Variants in PUS10 observed in about 807,000 individuals in gnomAD.
The protein encoded by PUS10 is pseudouridine synthase 10.
Under a neutral mutation model 75.0 loss-of-function variants are expected in PUS10, and 59 were observed. The ratio of observed to expected loss-of-function variants is 0.79; its 90% CI spans 0.64 to 0.98. The LOEUF is 0.98. Ranked by LOEUF, PUS10 falls within the 50% of genes least tolerant of loss-of-function variation. PUS10 has a pLI of 0.00. For synonymous variants in PUS10, 219 were observed against 211.6 expected, an observed-to-expected ratio of 1.03 and a Z score of -0.30; for missense variants, 650 against 614.4, an observed-to-expected ratio of 1.06 and a Z score of -0.61.
chr2:61,004,178 T>C (rs976854129), intron 4 of PUS10, among the ~76,000 whole-genome samples: 1 of 152,168 alleles, frequency 6.6e-6, no homozygotes, highest in African/African-American at 2.4e-5. Flanking sequence ...AGAATTTAAT[T>C]TATATTCAAA....
intron 1 of PUS10, chr2:61,017,723 C>G (rs998143845): frequency 1.2e-5 from 19 of 1,523,724 alleles, no homozygotes; most frequent in African/African-American, 4.1e-5. Context: ...CCTGGACAGT[C>G]AGGGGTAGGA....
intron 4 of PUS10, among the ~76,000 whole-genome samples, chr2:60,978,505 A>T (rs1471612439): frequency 6.6e-6 from 1 of 151,966 alleles, no homozygotes; most frequent in Non-Finnish European, 1.5e-5. Flanking sequence ...AAAGGTGCAA[A>T]TGCCAGAGAG....
chr2:60,961,410 TAGAAAGGAG>T, intron 10 of PUS10, 44 bp downstream of exon 10: 1 of 1,349,116 alleles, frequency 7.4e-7, no homozygotes. Context: ...GCTGAGTTTT[TAGAAAGGAG>T]AGTACGTTCA....
intron 8 of PUS10, among the ~76,000 whole-genome samples, chr2:60,964,429 A>G (rs1235001575): frequency 6.6e-6 from 1 of 152,258 alleles, no homozygotes; most frequent in Non-Finnish European, 1.5e-5. Flanking sequence ...AAACTGATGC[A>G]TGAAAGATGA....
intron 4 of PUS10, among the ~76,000 whole-genome samples, chr2:60,975,830 C>T (rs1250150993): frequency 2.6e-5 from 4 of 152,008 alleles, no homozygotes; most frequent in East Asian, 1.9e-4. Context: ...AGCACGATCT[C>T]GGCTCACTGC....
chr2:61,005,667 C>T (rs1307018470), intron 4 of PUS10, among the ~76,000 whole-genome samples: 1 of 152,150 alleles, frequency 6.6e-6, no homozygotes, highest in African/African-American at 2.4e-5. Flanking sequence ...TTTATAAGCC[C>T]AGTTATATCA....
chr2:60,994,427 A>T (rs1678318528), intron 4 of PUS10, among the ~76,000 whole-genome samples: 1 of 152,038 alleles, frequency 6.6e-6, no homozygotes, highest in East Asian at 1.9e-4. Context: ...CACAAAAATG[A>T]CTTGAAATTC....
chr2:61,008,808 A>C lies in PUS10; in HGVS notation c.334T>G (p.Cys112Gly). 1 of 1,603,792 alleles carries C rather than the reference A, an allele frequency of 6.2e-7. No individual in the cohort carries two copies. ...CAGAATTCTTGAAGAATTCCTAGGCATACATTACATACATTTAAATTTGAG... is the reference window on the plus strand; with the variant it reads ...CAGAATTCTTGAAGAATTCCTAGGCCTACATTACATACATTTAAATTTGAG... ...KNSNLNVCNVCLGILQEFCEK... is the reference protein window; with the variant it reads ...KNSNLNVCNVGLGILQEFCEK... Residue 112 changes from cysteine (C) to glycine (G), a missense_variant, in exon 3 of 18, where the codon TGC becomes GGC. Coordinates refer to ENST00000316752, the MANE Select transcript of PUS10 (RefSeq NM_144709.4).
chr2:60,965,009 A>T, intron 8 of PUS10, 49 bp downstream of exon 8: 1 of 1,532,852 alleles, frequency 6.5e-7, no homozygotes, highest in Non-Finnish European at 9.0e-7. Flanking sequence ...TTGAATATTC[A>T]GCTCAGACAA....
At position 60,962,843 on chromosome 2, in the gene PUS10, C is replaced by T. The variant is rs1285923902; in HGVS notation, c.771G>A (p.Lys257=). 6.3e-7 allele frequency: 1 copy of T among 1,578,094 alleles called. No individual in the cohort carries two copies. Among genetic ancestry groups the T allele is most frequent in the East Asian group, 2.4e-5 (1 of 42,332 alleles). ...MAVMKALNKI[K]EEDFLKQFPC... is the part of the protein sequence containing the mutation. ...CTACTTACTTAAGGAAATCCTCTTC[C>T]TTTATCTTATTCAAGGCTTTCATAA... is the stretch of plus-strand genomic sequence containing the variant. The change falls in exon 9 of 18, where the codon AAG becomes AAA. Residue 257 remains lysine (K), a synonymous_variant. Coordinates refer to ENST00000316752, the MANE Select transcript of PUS10 (RefSeq NM_144709.4).
At chr2:61,000,120 G>A (rs557113258) in intron 4 of PUS10, among the ~76,000 whole-genome samples, 151 of 152,174 alleles carry the variant, frequency 9.9e-4, no homozygotes, top group African/African-American at 3.4e-3. Context: ...CCCTAATGAC[G>A]TGAAATCTCT....
intron 1 of PUS10, 116 bp downstream of exon 1, chr2:61,017,892 G>C: frequency 4.6e-6 from 7 of 1,533,352 alleles, no homozygotes; most frequent in Non-Finnish European, 8.8e-7. Context: ...TAGTGGGCCC[G>C]AGCGGGGACT....
intron 4 of PUS10, among the ~76,000 whole-genome samples, chr2:60,984,815 T>C (rs1380301782): frequency 6.6e-6 from 1 of 152,210 alleles, no homozygotes; most frequent in Non-Finnish European, 1.5e-5. Context: ...GCAGGACATG[T>C]ATGTTTCACT....
chr2:60,982,832 G>A (rs768275294), intron 4 of PUS10, among the ~76,000 whole-genome samples: 11 of 151,214 alleles, frequency 7.3e-5, no homozygotes, highest in South Asian at 2.1e-4. Flanking sequence ...ATATTAAGTC[G>A]AATTTTTTTT....
chr2:60,960,608 C>A, intron 10 of PUS10, 91 bp from the exon 11 acceptor site: 1 of 1,210,824 alleles, frequency 8.3e-7, no homozygotes. Context: ...GGGCCAATAT[C>A]CTAAGTGCTA....
chr2:61,004,036 T>C (rs1266960551), intron 4 of PUS10, among the ~76,000 whole-genome samples: 1 of 152,182 alleles, frequency 6.6e-6, no homozygotes, highest in Non-Finnish European at 1.5e-5. Context: ...TATGAGATAA[T>C]TGACATCAAT....
At chr2:60,954,225 G>C (rs1333940607) in intron 12 of PUS10, 67 bp from the exon 13 acceptor site, 2 of 1,470,756 alleles carry the variant, frequency 1.4e-6, no homozygotes, top group East Asian at 4.6e-5. Context: ...GCTAATGCAA[G>C]AGGGTTAGGA....
chr2:60,955,391 G>A (rs930223719), intron 11 of PUS10, among the ~76,000 whole-genome samples: 1 of 151,992 alleles, frequency 6.6e-6, no homozygotes, highest in South Asian at 2.1e-4. Flanking sequence ...GTGCAGCAGC[G>A]TGATCATGGC....
At chr2:60,991,492 TG>T (rs1309949395) in intron 4 of PUS10, among the ~76,000 whole-genome samples, 1 of 152,188 alleles carries the variant, frequency 6.6e-6, no homozygotes, top group African/African-American at 2.4e-5. Flanking sequence ...AGTCTCACTC[TG>T]TCATCCAGGA....
Sources: allele counts gnomAD v4.1 joint callset (sites outside exome capture counted in the v4.1 genomes callset), GRCh38; gene constraint gnomAD v4.1.1; transcripts MANE v1.5; gene names NCBI Gene and HGNC (gene_info 2026-07-23, HGNC 2026-07-21).